Variants in SLC2A13 observed in about 807,000 individuals in gnomAD.
SLC2A13 encodes proton myo-inositol cotransporter.
SLC2A13 carries 32 observed loss-of-function variants against 64.4 expected under a neutral mutation model. The observed-to-expected ratio is 0.50, with a 90% CI of 0.37 to 0.67. SLC2A13 has a LOEUF of 0.67. SLC2A13 is among the 30% of genes least tolerant of loss of function. The pLI is 0.00. For missense variants in SLC2A13, 743 were observed against 829.2 expected, an observed-to-expected ratio of 0.90 and a Z score of 1.28; for synonymous variants, 338 against 327.1, an observed-to-expected ratio of 1.03 and a Z score of -0.36.
chr12:39,949,327 T>C (rs1157385978), intron 4 of SLC2A13, among the ~76,000 whole-genome samples: 1 of 152,240 alleles, frequency 6.6e-6, no homozygotes, highest in African/African-American at 2.4e-5. Context: ...TACTTTATTT[T>C]ATTCTTCCTG....
intron 7 of SLC2A13, among the ~76,000 whole-genome samples, chr12:39,792,555 G>A (rs1420981687): frequency 2.0e-5 from 3 of 152,128 alleles, no homozygotes; most frequent in Non-Finnish European, 4.4e-5. Context: ...CACAATTCTA[G>A]ATACTAAGCC....
At chr12:39,837,552 C>A (rs1943046976) in intron 6 of SLC2A13, among the ~76,000 whole-genome samples, 2 of 143,430 alleles carry the variant, frequency 1.4e-5, no homozygotes, top group Admixed American at 1.4e-4. Context: ...AGTGAACAGG[C>A]AACCTACAAA....
At chr12:39,852,847 G>A (rs796406220) in intron 6 of SLC2A13, among the ~76,000 whole-genome samples, 134 of 152,268 alleles carry the variant, frequency 8.8e-4, no homozygotes, top group African/African-American at 3.2e-3. Flanking sequence ...ATCAGCCTCT[G>A]ATTGGTAGCC....
At chr12:39,786,995 TAAA>T (rs10713705) in intron 7 of SLC2A13, among the ~76,000 whole-genome samples, 1 of 151,928 alleles carries the variant, frequency 6.6e-6, no homozygotes, top group Admixed American at 6.6e-5. Context: ...TTCTTTTTTT[TAAA>T]AAAATAATAA....
At chr12:40,011,594 C>T (rs935940447) in intron 3 of SLC2A13, among the ~76,000 whole-genome samples, 3 of 152,144 alleles carry the variant, frequency 2.0e-5, no homozygotes, top group African/African-American at 7.2e-5. Context: ...GATCCTGTCA[C>T]CCAAATAGTG....
chr12:39,834,702 G>A (rs2135857315), intron 6 of SLC2A13, among the ~76,000 whole-genome samples: 1 of 152,088 alleles, frequency 6.6e-6, no homozygotes, highest in Non-Finnish European at 1.5e-5. Context: ...TCTGGACTAA[G>A]CCCTTATCTG....
intron 7 of SLC2A13, among the ~76,000 whole-genome samples, chr12:39,828,600 T>G (rs559381319): frequency 1.1e-4 from 17 of 152,252 alleles, no homozygotes; most frequent in African/African-American, 3.1e-4. Context: ...TACTACTTAG[T>G]AGAGTTCTAA....
intron 4 of SLC2A13, among the ~76,000 whole-genome samples, chr12:39,890,513 A>G (rs1282329528): frequency 6.6e-6 from 1 of 152,214 alleles, no homozygotes; most frequent in African/African-American, 2.4e-5. Context: ...TAATATAAGC[A>G]TGAGAGTCTT....
At chr12:39,978,766 A>C (rs1946820931) in intron 3 of SLC2A13, among the ~76,000 whole-genome samples, 1 of 152,154 alleles carries the variant, frequency 6.6e-6, no homozygotes, top group South Asian at 2.1e-4. Flanking sequence ...GCCATTGCCC[A>C]GGCTTGCTTA....
In SLC2A13 at chr12:39,959,407, C is replaced by T. The variant is rs577676733; in HGVS notation, c.926-8042G>A. On this transcript the variant is annotated intron_variant, in intron 3 of 9. Coordinates refer to ENST00000280871, the MANE Select transcript of SLC2A13 (RefSeq NM_052885.4). ...GTGATGGGCCAGTTGTCTATAGATG[C>T]GTGCTTGTAAGCTGATCATGGTACA... 3.2e-4 allele frequency among the ~76,000 whole-genome samples: 48 copies of T among 152,320 alleles called. No individual in the cohort carries two copies. In the South Asian group the frequency reaches 5.4e-3, roughly 17 times the overall value.
intron 4 of SLC2A13, among the ~76,000 whole-genome samples, chr12:39,896,742 T>C (rs1346548558): frequency 2.0e-5 from 3 of 152,040 alleles, no homozygotes; most frequent in African/African-American, 7.2e-5. Context: ...TAAAACATCT[T>C]GCAGTTTCTA....
intron 4 of SLC2A13, among the ~76,000 whole-genome samples, chr12:39,933,819 A>G (rs1945872219): frequency 6.6e-6 from 1 of 152,224 alleles, no homozygotes; most frequent in Admixed American, 6.5e-5. Context: ...GAGATGGGTA[A>G]GAATGGGGAA....
chr12:39,858,592 G>A (rs1443271071), intron 6 of SLC2A13, among the ~76,000 whole-genome samples: 2 of 152,042 alleles, frequency 1.3e-5, no homozygotes, highest in Admixed American at 1.3e-4. Context: ...GGGCTAATAG[G>A]GTTTTTACAC....
At chr12:39,872,670 C>T (rs1393080784) in intron 4 of SLC2A13, among the ~76,000 whole-genome samples, 1 of 152,192 alleles carries the variant, frequency 6.6e-6, no homozygotes, top group Non-Finnish European at 1.5e-5. Flanking sequence ...GAAGATATGT[C>T]TGGCACATTT....
intron 1 of SLC2A13, among the ~76,000 whole-genome samples, chr12:40,091,111 C>A (rs544601019): frequency 6.6e-6 from 1 of 152,136 alleles, no homozygotes; most frequent in South Asian, 2.1e-4. Context: ...CTGTAGGCAA[C>A]TGTAACACAA....
At chr12:39,903,323 C>T (rs1007631059) in intron 4 of SLC2A13, among the ~76,000 whole-genome samples, 1 of 152,054 alleles carries the variant, frequency 6.6e-6, no homozygotes, top group Non-Finnish European at 1.5e-5. Flanking sequence ...TTAGCTATTT[C>T]AGGAAGCATT....
intron 3 of SLC2A13, among the ~76,000 whole-genome samples, chr12:39,974,250 G>T (rs985512863): frequency 1.3e-5 from 2 of 152,146 alleles, no homozygotes; most frequent in African/African-American, 4.8e-5. Flanking sequence ...ACTTAGTCAA[G>T]AATCGTAAAC....
chr12:40,104,182 A>G (rs1182335418), intron 1 of SLC2A13, among the ~76,000 whole-genome samples: 3 of 152,256 alleles, frequency 2.0e-5, no homozygotes, highest in East Asian at 3.8e-4. Context: ...ATACTTCAAC[A>G]GCACCCTAAG....
chr12:39,870,372 T>C (rs1944014334), intron 5 of SLC2A13, among the ~76,000 whole-genome samples: 1 of 152,218 alleles, frequency 6.6e-6, no homozygotes, highest in African/African-American at 2.4e-5. Flanking sequence ...AACACATCAC[T>C]GCCTGATAGT....
Sources: gnomAD v4.1 joint callset for allele counts (sites outside exome capture counted in the v4.1 genomes callset) on GRCh38, gnomAD v4.1.1 for gene constraint, MANE v1.5 for transcripts, NCBI Gene and HGNC (gene_info 2026-07-23, HGNC 2026-07-21) for gene names.